Variants in MIA2 observed in about 807,000 individuals in gnomAD.
The protein encoded by MIA2 is MIA SH3 domain ER export factor 2, also known as melanoma inhibitory activity protein 2.
MIA2 carries 127 observed loss-of-function variants against 167.8 expected under a neutral mutation model. The ratio of observed to expected loss-of-function variants is 0.76; its 90% CI spans 0.66 to 0.88. MIA2 has a LOEUF of 0.88. MIA2 is among the 40% of genes least tolerant of loss of function. MIA2 has a pLI of 0.00. For synonymous variants in MIA2, 552 were observed against 541.9 expected (o/e 1.02, Z -0.26); for missense variants, 1,690 against 1,624.7 (o/e 1.04, Z -0.69).
intron 6 of MIA2, chr14:39,265,808 CTTGTT>C (rs1185288205): frequency 1.8e-5 from 4 of 227,528 alleles, no homozygotes; most frequent in Non-Finnish European, 3.0e-5. Flanking sequence ...TTTGATTATG[CTTGTT>C]TTGACTTTAA....
intron 23 of MIA2, among the ~76,000 whole-genome samples, chr14:39,380,722 C>A (rs1391549923): frequency 6.8e-6 from 1 of 147,494 alleles, no homozygotes; most frequent in Non-Finnish European, 1.5e-5. Context: ...AAATCGATGC[C>A]AAGTCAAACA....
chr14:39,352,044 G>A (rs760345302), downstream of MIA2, among the ~76,000 whole-genome samples: 17 of 151,956 alleles, frequency 1.1e-4, no homozygotes, highest in Admixed American at 3.3e-4. Context: ...GGCAGTAATA[G>A]GCTAATGATA....
At chr14:39,324,580 G>C (rs2067086076) in intron 24 of MIA2, among the ~76,000 whole-genome samples, 1 of 151,984 alleles carries the variant, frequency 6.6e-6, no homozygotes, top group African/African-American at 2.4e-5. Context: ...TACTGAAATA[G>C]AGTAAGCATT....
chr14:39,333,765 A>G (rs1336523467), intron 25 of MIA2, among the ~76,000 whole-genome samples: 2 of 152,078 alleles, frequency 1.3e-5, no homozygotes, highest in Non-Finnish European at 2.9e-5. Context: ...TGGAGTTTAT[A>G]CTTATGTGTA....
chr14:39,315,769 C>A, intron 21 of MIA2, 51 bp downstream of exon 21: 1 of 1,175,194 alleles, frequency 8.5e-7, no homozygotes. Context: ...ATGTTTTTTT[C>A]AGAAGATACG....
At chr14:39,323,861 G>A (rs1347648572) in intron 24 of MIA2, among the ~76,000 whole-genome samples, 2 of 152,104 alleles carry the variant, frequency 1.3e-5, no homozygotes, top group East Asian at 1.9e-4. Flanking sequence ...TAAAGATACA[G>A]TGTGTTTAGA....
intron 25 of MIA2, among the ~76,000 whole-genome samples, chr14:39,342,994 A>G (rs1420041020): frequency 6.6e-6 from 1 of 152,074 alleles, no homozygotes; most frequent in African/African-American, 2.4e-5. Flanking sequence ...ATGTTTAACC[A>G]TTTCCTGTTG....
At chr14:39,280,817 C>T (rs2058802838) in intron 9 of MIA2, among the ~76,000 whole-genome samples, 1 of 150,560 alleles carries the variant, frequency 6.6e-6, no homozygotes, top group East Asian at 1.9e-4. Context: ...AGCAGTGTTA[C>T]TATGATTTGT....
chr14:39,308,707 T>G (rs752657693), intron 18 of MIA2, 120 bp downstream of exon 18: 13 of 840,344 alleles, frequency 1.5e-5, no homozygotes, highest in Non-Finnish European at 2.1e-5. Flanking sequence ...TTGTATTTCA[T>G]CAACTTATTT....
At chr14:39,361,748 C>T (rs899249189) in intron 23 of MIA2, among the ~76,000 whole-genome samples, 5 of 151,992 alleles carry the variant, frequency 3.3e-5, no homozygotes, top group Non-Finnish European at 4.4e-5. Context: ...CCTTTTAGTA[C>T]TATATTTGAT....
chr14:39,342,223 C>T (rs551619739), intron 25 of MIA2, among the ~76,000 whole-genome samples: 1 of 149,576 alleles, frequency 6.7e-6, no homozygotes, highest in East Asian at 2.0e-4. Flanking sequence ...CATGTGTTCT[C>T]ATTGTTCAAT....
At chr14:39,249,778 T>C (rs1402857356) in intron 4 of MIA2, among the ~76,000 whole-genome samples, 1 of 152,094 alleles carries the variant, frequency 6.6e-6, no homozygotes, top group African/African-American at 2.4e-5. Flanking sequence ...TATTGACCAA[T>C]AATACAAAAA....
Position 39,246,928 on chromosome 14 carries a change from T to C in MIA2, c.354T>C (p.Cys118=). 2.0e-6 allele frequency: 3 copies of C among 1,512,318 alleles called. No homozygotes were observed. Among genetic ancestry groups the C allele is most frequent in the Non-Finnish European group, 2.6e-6 (3 of 1,134,456 alleles). 93.7% of individuals were successfully genotyped at this position (1,512,318 alleles called of 1,614,324 possible). ...QMSTKESDFL[C]LLGVSYTFDN... Reference sequence around the variant, plus strand: ...CCTTTTAGGAATCTGACTTTCTTTGTCTTCTTGGAGTAAGTTACACATTTG... The same window carrying C: ...CCTTTTAGGAATCTGACTTTCTTTGCCTTCTTGGAGTAAGTTACACATTTG... The change falls in exon 4 of 29, where the codon TGT becomes TGC. Residue 118 remains cysteine, a synonymous_variant. Transcript: ENST00000640607.
At chr14:39,289,389 A>AT (rs1206735345) in intron 9 of MIA2, among the ~76,000 whole-genome samples, 1 of 151,880 alleles carries the variant, frequency 6.6e-6, no homozygotes, top group Non-Finnish European at 1.5e-5. Context: ...TAATTTTTGT[A>AT]TTTTTAGTAG....
intron 9 of MIA2, among the ~76,000 whole-genome samples, chr14:39,288,453 A>AT (rs1566747188): frequency 0.031 from 432 of 13,780 alleles, 67 homozygotes; most frequent in African/African-American, 0.039. Context: ...ATATATATAT[A>AT]TATATATATA....
chr14:39,289,199 C>A (rs369606233), intron 9 of MIA2, among the ~76,000 whole-genome samples: 16 of 144,902 alleles, frequency 1.1e-4, no homozygotes, highest in African/African-American at 4.1e-4. Context: ...TTTTTGGTTT[C>A]GACTTTGTTG....
intron 6 of MIA2, among the ~76,000 whole-genome samples, chr14:39,270,488 C>T (rs910345441): frequency 1.3e-5 from 2 of 151,954 alleles, no homozygotes; most frequent in African/African-American, 4.8e-5. Flanking sequence ...TGTGAGTCCC[C>T]CCACCCGGCT....
chr14:39,329,037 ATC>A (rs2068197006), intron 25 of MIA2, among the ~76,000 whole-genome samples: 1 of 152,158 alleles, frequency 6.6e-6, no homozygotes, highest in African/African-American at 2.4e-5. Context: ...ATAGCATTGA[ATC>A]TATAAATTAC....
chr14:39,348,529 A>C (rs1256668754), intron 27 of MIA2, among the ~76,000 whole-genome samples: 2 of 152,046 alleles, frequency 1.3e-5, no homozygotes, highest in African/African-American at 4.8e-5. Flanking sequence ...TGTTGGTTAA[A>C]GCTGTTTTCT....
Sources: gnomAD v4.1 joint callset for allele counts (sites outside exome capture counted in the v4.1 genomes callset) on GRCh38, gnomAD v4.1.1 for gene constraint, MANE v1.5 for transcripts, NCBI Gene and HGNC (gene_info 2026-07-23, HGNC 2026-07-21) for gene names.